MAP3K4: variants seen among roughly 807,000 people sequenced by gnomAD.
MAP3K4 encodes the protein MAP three kinase 1.
A neutral mutation model predicts 185.6 loss-of-function variants in MAP3K4; 67 were observed. The ratio of observed to expected loss-of-function variants is 0.36; its 90% confidence interval spans 0.30 to 0.44. The LOEUF (loss-of-function observed/expected upper bound fraction) is 0.44, where lower values mean the gene tolerates loss of function less well. MAP3K4 is among the 20% of genes least tolerant of loss of function. The pLI is 1.00. For synonymous variants in MAP3K4, 702 were observed against 710.4 expected (o/e 0.99, Z 0.19); for missense variants, 1,551 against 1,995.1 (o/e 0.78, Z 4.24).
chr6:161,111,973 G>C lies in MAP3K4; in HGVS notation c.4519+15G>C. On this transcript the variant is annotated intron_variant, in intron 24 of 26. Coordinates refer to ENST00000392142, the MANE Select transcript of MAP3K4 (RefSeq NM_005922.4). ...GGGGACAGCAGGTAGGGACCAGCCT[G>C]GTTGTTCTTTGCACTCTGACTTCAT... is the stretch of plus-strand genomic sequence containing the variant. 2 of 1,612,930 alleles carry C rather than the reference G, an allele frequency of 1.2e-6. No homozygotes were observed. The highest frequency in any genetic ancestry group is 2.2e-5 in the South Asian group (2 of 90,770).
At chr6:161,019,191 T>A (rs1782258905) in intron 1 of MAP3K4, among the ~76,000 whole-genome samples, 1 of 152,214 alleles carries the variant, frequency 6.6e-6, no homozygotes. Context: ...AAAAGTTCAG[T>A]GAGTTTAAAG....
chr6:160,996,886 A>C lies in MAP3K4; in HGVS notation c.152+4803A>C, dbSNP rs938237918. On this transcript the variant is annotated intron_variant, in intron 1 of 26. Transcript: ENST00000392142. This position sits in a 1 kb window ranked among gnomAD's most constrained non-coding sequence, Gnocchi z 4.5. ...GGAAATGAGTTGAATGATCCCGGTGACTCATGTTAGCAGACCAGTGAGGTG... is the reference window on the plus strand; with the variant it reads ...GGAAATGAGTTGAATGATCCCGGTGCCTCATGTTAGCAGACCAGTGAGGTG... Among the ~76,000 whole-genome samples, 1 of 152,150 alleles carries C rather than the reference A, an allele frequency of 6.6e-6. No homozygotes were observed. Among genetic ancestry groups the C allele is most frequent in the African/African-American group, 2.4e-5 (1 of 41,434 alleles).
At position 161,084,889 on chromosome 6, in the gene MAP3K4, G is replaced by T. The variant is rs1463942672; in HGVS notation, c.2372+272G>T. Among the ~76,000 whole-genome samples, 7 of 152,212 alleles carry T rather than the reference G, an allele frequency of 4.6e-5. No homozygotes were observed. The highest frequency in any genetic ancestry group is 2.6e-4 in the Admixed American group (4 of 15,286). ...TGGCTGGGCGCGGTGGCTCACGCCT[G>T]TAATCCCAGTACTTTGGGAGGCCGA... On this transcript the variant is annotated intron_variant, in intron 7 of 26. Coordinates refer to ENST00000392142, the MANE Select transcript of MAP3K4 (RefSeq NM_005922.4). The surrounding 1 kb of genome is among the most constrained non-coding windows in gnomAD (Gnocchi z 4.6).
In MAP3K4 at chr6:161,018,976, AG is replaced by A. The variant is rs777737550; in HGVS notation, c.153-15282del. Among the ~76,000 whole-genome samples the A allele has an allele frequency of 7.2e-5, 11 of 152,372 alleles. 1 individual carries two copies. The South Asian group carries it at 8.3e-4, about 11-fold the overall frequency. Reference sequence around the variant, plus strand: ...ACATCAGTGAATTTAGGGATATAGCAGTAGAAACTATGCAAAATGCAATGCA... The same window carrying A: ...ACATCAGTGAATTTAGGGATATAGCATAGAAACTATGCAAAATGCAATGCA... On this transcript the variant is annotated intron_variant, in intron 1 of 26. Transcript: ENST00000392142.
At position 161,075,360 on chromosome 6, in the gene MAP3K4, G is replaced by A. The variant is rs1210677296; in HGVS notation, c.2097+1748G>A. 2.0e-5 allele frequency among the ~76,000 whole-genome samples: 3 copies of A among 151,956 alleles called. No homozygotes were observed. Among genetic ancestry groups the A allele is most frequent in the African/African-American group, 7.3e-5 (3 of 41,358 alleles). On this transcript the variant is annotated intron_variant, in intron 5 of 26. Coordinates refer to ENST00000392142, the MANE Select transcript of MAP3K4 (RefSeq NM_005922.4). The surrounding 1 kb of genome is among the most constrained non-coding windows in gnomAD (Gnocchi z 4.3). ...TTTTGTAGAGTCAGGGTCTCACTAT[G>A]TTGCCCAGGCTGGTCTTGAACTCCT...
rs2114793643 is a variant in MAP3K4, at chr6:161,061,888, G to A, written c.1708-8720G>A. On this transcript the variant is annotated intron_variant, in intron 3 of 26. Transcript: ENST00000392142. This position sits in a 1 kb window ranked among gnomAD's most constrained non-coding sequence, Gnocchi z 4.2. ...TCTTAAAATTTTATTTTTAGGTATT[G>A]GTTTTTAATTTGTTTTTATAAGAAT... is the stretch of plus-strand genomic sequence containing the variant. Among the ~76,000 whole-genome samples the A allele has an allele frequency of 6.6e-6, 1 of 152,078 alleles. No individual in the cohort carries two copies. The highest frequency in any genetic ancestry group is 2.1e-4 in the South Asian group (1 of 4,808).
chr6:161,111,819 A>T lies in MAP3K4; in HGVS notation c.4397-17A>T, dbSNP rs1054535936. ...GTGTTTCAGAGGCTGCGTAACAACT[A>T]CTTCTTTTCTTTTTAGGTGCCAATA... On this transcript the variant is annotated splice_polypyrimidine_tract_variant and intron_variant, in intron 23 of 26. Coordinates refer to ENST00000392142, the MANE Select transcript of MAP3K4 (RefSeq NM_005922.4). The T allele has an allele frequency of 6.7e-7, 1 of 1,497,836 alleles. No individual in the cohort carries two copies. The highest frequency in any genetic ancestry group is 2.2e-5 in the African/African-American group (1 of 46,348). 92.8% of individuals were successfully genotyped at this position (1,497,836 alleles called of 1,614,324 possible). A position where few individuals can be genotyped will look rare whatever the true frequency, so the allele number is the denominator to read the frequency against.
At position 161,080,081 on chromosome 6, in the gene MAP3K4, G is replaced by T. The variant is rs1370150094; in HGVS notation, c.2098-800G>T. Among the ~76,000 whole-genome samples the T allele has an allele frequency of 6.6e-6, 1 of 152,120 alleles. No homozygotes were observed. Among genetic ancestry groups the T allele is most frequent in the African/African-American group, 2.4e-5 (1 of 41,426 alleles). ...TCAGGTTGGCGACAGACTGCTTCAC[G>T]CTGAGTCACACTCGGGGTTGGAAGG... is the stretch of plus-strand genomic sequence containing the variant. On this transcript the variant is annotated intron_variant, in intron 5 of 26. Transcript: ENST00000392142. This position sits in a 1 kb window ranked among gnomAD's most constrained non-coding sequence, Gnocchi z 4.8.
chr6:161,030,446 T>C (rs1263656929), intron 1 of MAP3K4, among the ~76,000 whole-genome samples: 2 of 152,114 alleles, frequency 1.3e-5, no homozygotes, highest in Non-Finnish European at 2.9e-5. Flanking sequence ...TGTTTGTTTG[T>C]TTGTTTGTTT....
In MAP3K4 at chr6:161,070,039, T is replaced by C. The variant is rs950016711; in HGVS notation, c.1708-569T>C. On this transcript the variant is annotated intron_variant, in intron 3 of 26. Transcript: ENST00000392142. The surrounding 1 kb of genome is among the most constrained non-coding windows in gnomAD (Gnocchi z 4.5). ...CGGGAAGCATCACAAAACGGATAAC[T>C]GAGTCATGCCAACCAGGTTGATCTT... is the stretch of plus-strand genomic sequence containing the variant. Among the ~76,000 whole-genome samples the C allele has an allele frequency of 2.0e-5, 3 of 152,204 alleles. No individual in the cohort carries two copies. The highest frequency in any genetic ancestry group is 4.4e-5 in the Non-Finnish European group (3 of 68,040).
At chr6:161,026,469 TC>T (rs542697782) in intron 1 of MAP3K4, among the ~76,000 whole-genome samples, 118 of 152,228 alleles carry the variant, frequency 7.8e-4, no homozygotes, top group Non-Finnish European at 1.3e-3. Flanking sequence ...TTGATTTTCT[TC>T]TCACTATCCT....
At chr6:161,046,481 A>G (rs1783734772) in intron 2 of MAP3K4, among the ~76,000 whole-genome samples, 1 of 151,350 alleles carries the variant, frequency 6.6e-6, no homozygotes, top group Non-Finnish European at 1.5e-5. Context: ...GAAGTAGATT[A>G]GTACTAAAGA....
intron 1 of MAP3K4, among the ~76,000 whole-genome samples, chr6:161,016,770 C>A (rs1782135872): frequency 6.6e-6 from 1 of 152,190 alleles, no homozygotes. Context: ...GAAGGTGAGT[C>A]CTCCAGCATT....
intron 1 of MAP3K4, among the ~76,000 whole-genome samples, chr6:160,997,651 A>G (rs557481552): frequency 6.6e-6 from 1 of 152,340 alleles, no homozygotes; most frequent in South Asian, 2.1e-4. Flanking sequence ...AATTTGAGGT[A>G]GTTTTTCATC....
chr6:161,024,731 C>T (rs1458105284), intron 1 of MAP3K4, among the ~76,000 whole-genome samples: 1 of 152,170 alleles, frequency 6.6e-6, no homozygotes, highest in Non-Finnish European at 1.5e-5. Flanking sequence ...GTCAACATGG[C>T]TTACCACTGA....
Position 161,084,496 on chromosome 6 carries a change from CT to C in MAP3K4, c.2256-3del. 7.5e-7 allele frequency: 1 copy of C among 1,328,080 alleles called. No individual in the cohort carries two copies. The highest frequency in any genetic ancestry group is 1.1e-6 in the Non-Finnish European group (1 of 918,962). The allele number at this position is 1,328,080 out of a possible 1,614,324, so 82.3% of individuals were successfully genotyped here. A position where few individuals can be genotyped will look rare whatever the true frequency, so the allele number is the denominator to read the frequency against. Reference sequence around the variant, plus strand: ...TCTGTTTTATTTTTATTTTTGTTCCCTTAGTGACATTGCAGGAATGCTGCTG... The same window carrying C: ...TCTGTTTTATTTTTATTTTTGTTCCCTAGTGACATTGCAGGAATGCTGCTG... On this transcript the variant is annotated splice_region_variant and splice_polypyrimidine_tract_variant and intron_variant, in intron 6 of 26. Coordinates refer to ENST00000392142, the MANE Select transcript of MAP3K4 (RefSeq NM_005922.4). This position sits in a 1 kb window ranked among gnomAD's most constrained non-coding sequence, Gnocchi z 4.6.
chr6:161,093,117 G>T lies in MAP3K4; in HGVS notation c.3348+61G>T. 8.9e-7 allele frequency: 1 copy of T among 1,128,598 alleles called. No homozygotes were observed. Among genetic ancestry groups the T allele is most frequent in the South Asian group, 1.3e-5 (1 of 74,862 alleles). 69.9% of individuals were successfully genotyped at this position (1,128,598 alleles called of 1,614,324 possible). A position where few individuals can be genotyped will look rare whatever the true frequency, so the allele number is the denominator to read the frequency against. ...TAAGCCAGTCACTCCTTATTTTCTG[G>T]TTGTATATGTTTTATATGTAATAGT... On this transcript the variant is annotated intron_variant, in intron 14 of 26. Transcript: ENST00000392142. This position sits in a 1 kb window ranked among gnomAD's most constrained non-coding sequence, Gnocchi z 5.2.
Position 161,074,970 on chromosome 6 carries a change from A to G in MAP3K4, c.2097+1358A>G, listed in dbSNP as rs1022617341. Among the ~76,000 whole-genome samples, 1 of 152,186 alleles carries G rather than the reference A, an allele frequency of 6.6e-6. No homozygotes were observed. The highest frequency in any genetic ancestry group is 2.4e-5 in the African/African-American group (1 of 41,446). On this transcript the variant is annotated intron_variant, in intron 5 of 26. Transcript: ENST00000392142. This position sits in a 1 kb window ranked among gnomAD's most constrained non-coding sequence, Gnocchi z 5.0. ...CCTGTTGCATGGCCTCACTGTTGCC[A>G]TGGAGGCTGGGAATGCACATGTTGA...
chr6:161,049,425 G>A lies in MAP3K4; in HGVS notation c.1153G>A (p.Asp385Asn), dbSNP rs1471934497. The change falls in exon 3 of 27, where the codon GAC (aspartate) becomes AAC (asparagine). Residue 385 changes from aspartate to asparagine, a missense_variant. Physicochemically the swap from Asp to Asn is conservative, Grantham distance 23. Coordinates refer to ENST00000392142, the MANE Select transcript of MAP3K4 (RefSeq NM_005922.4). This position sits in a 1 kb window ranked among gnomAD's most constrained non-coding sequence, Gnocchi z 8.4. The part of the protein sequence containing the change: ...QKDYEKYAAK[D>N]FQDRVQALCL... Reference sequence around the variant, plus strand: ...GGACTATGAAAAATATGCTGCAAAAGACTTCCAGGACAGGGTGCAGGCACT... The same window carrying A: ...GGACTATGAAAAATATGCTGCAAAAAACTTCCAGGACAGGGTGCAGGCACT... 1 of 1,614,010 alleles carries A rather than the reference G, an allele frequency of 6.2e-7. No homozygotes were observed. Among genetic ancestry groups the A allele is most frequent in the Non-Finnish European group, 8.5e-7 (1 of 1,179,898 alleles).
Sources: gnomAD v4.1 joint callset for allele counts (sites outside exome capture counted in the v4.1 genomes callset) on GRCh38, gnomAD v4.1.1 for gene constraint, Gnocchi (gnomAD v3.1) non-coding constraint, MANE v1.5 for transcripts, NCBI Gene and HGNC (gene_info 2026-07-23, HGNC 2026-07-21) for gene names.